GNL3L: variants seen among roughly 807,000 people sequenced by gnomAD.
GNL3L encodes G protein nucleolar 3 like.
Under a neutral mutation model 42.9 loss-of-function variants are expected in GNL3L, and 4 were observed. That is an observed-to-expected ratio of 0.09 (90% CI 0.05 to 0.21). The LOEUF (loss-of-function observed/expected upper bound fraction) is 0.21. GNL3L is among the 10% of genes least tolerant of loss of function. GNL3L has a pLI of 1.00. For missense variants in GNL3L, 412 were observed against 481.7 expected (o/e 0.86, Z 1.36); for synonymous variants, 159 against 176.3 (o/e 0.90, Z 0.78).
intron 2 of GNL3L, among the ~76,000 whole-genome samples, chrX:54,536,007 A>G (rs1328608897): frequency 9.1e-6 from 1 of 109,299 alleles, no homozygotes; most frequent in Non-Finnish European, 1.9e-5. Context: ...GGCTCACTGC[A>G]ACCTCCACCT....
intron 16 of GNL3L, among the ~76,000 whole-genome samples, chrX:54,584,888 C>T (rs754050847): frequency 8.9e-6 from 1 of 112,287 alleles, no homozygotes; most frequent in African/African-American, 3.2e-5. Context: ...TGGGTTCAAG[C>T]GATTCTCCGG....
At chrX:54,532,705 G>A (rs1463614425) in intron 2 of GNL3L, 120 bp downstream of exon 2, 20 of 613,034 alleles carry the variant, frequency 3.3e-5, no homozygotes, top group Non-Finnish European at 5.3e-5. Context: ...CTGTCACCTA[G>A]GCTGGAGTGC....
chrX:54,617,357 T>C (rs2147538270), intron 16 of GNL3L, among the ~76,000 whole-genome samples: 1 of 112,098 alleles, frequency 8.9e-6, no homozygotes, highest in South Asian at 3.7e-4. Context: ...CCTCACCTTT[T>C]ACCCACTCAT....
chrX:54,600,930 G>C (rs1925999182), intron 16 of GNL3L, among the ~76,000 whole-genome samples: 1 of 112,072 alleles, frequency 8.9e-6, no homozygotes, highest in African/African-American at 3.2e-5. Flanking sequence ...ATTCATTGTA[G>C]CTAAAAAGTG....
At chrX:54,551,121 C>T (rs1226349311) in intron 10 of GNL3L, 71 bp downstream of exon 10, 2 of 603,977 alleles carry the variant, frequency 3.3e-6, no homozygotes, top group South Asian at 2.4e-5. Context: ...CCCATGCCTT[C>T]AGCCCCTGTC....
At position 54,541,385 on chromosome X, in the gene GNL3L, A is replaced by G. The variant is rs1313805264; in HGVS notation, c.302A>G (p.His101Arg). 9.6e-6 allele frequency: 11 copies of G among 1,148,737 alleles called. No homozygotes were observed. Among genetic ancestry groups the G allele is most frequent in the South Asian group, 3.6e-5 (2 of 55,444 alleles). 94.7% of individuals were successfully genotyped at this position (1,148,737 alleles called of 1,213,427 possible). A position where few individuals can be genotyped will look rare whatever the true frequency, so the allele number is the denominator to read the frequency against. ...CTAAGACGCCAGGAGGAGTTTGAGCATAAGGTAAGAGTGCAGCCCTTGCCC... is the reference window on the plus strand; with the variant it reads ...CTAAGACGCCAGGAGGAGTTTGAGCGTAAGGTAAGAGTGCAGCCCTTGCCC... ...DVLRRQEEFEHKEEVLQELNM... is the reference protein window; with the variant it reads ...DVLRRQEEFERKEEVLQELNM... The change falls in exon 5 of 16, where the codon CAT (histidine) becomes CGT (arginine). Residue 101 changes from histidine to arginine, a missense_variant. By Grantham distance (29) the His-to-Arg change is conservative. Coordinates refer to ENST00000360845, the MANE Select transcript of GNL3L (RefSeq NM_001184819.2).
Position 54,561,801 on chromosome X carries a change from C to T in GNL3L, c.*1199C>T, listed in dbSNP as rs1221825197. On this transcript the variant is annotated 3_prime_UTR_variant, in exon 16 of 16. Transcript: ENST00000360845. ...TACCAGCCAACTCCTTTTCCAGTGT[C>T]TGTAAGTCACCTCATTAAAGTATAA... Among the ~76,000 whole-genome samples, 2 of 111,520 alleles carry T rather than the reference C, an allele frequency of 1.8e-5. No homozygotes were observed.
chrX:54,556,949 G>A (rs1024855867), intron 14 of GNL3L, among the ~76,000 whole-genome samples: 4 of 111,033 alleles, frequency 3.6e-5, no homozygotes, highest in Non-Finnish European at 5.7e-5. Flanking sequence ...GGGAAGCCAA[G>A]GCGGGTGGAT....
In GNL3L at chrX:54,595,535, A is replaced by G. The variant is rs192118606; in HGVS notation, c.*46-25310A>G. Among the ~76,000 whole-genome samples, 50 of 111,320 alleles carry G rather than the reference A, an allele frequency of 4.5e-4. 2 individuals are homozygous for G. The East Asian group carries it at 0.014, about 30-fold the overall frequency. On this transcript the variant is annotated intron_variant, in intron 16 of 16. Transcript: ENST00000674498. ...GTTGTCTTTTTTAGGTTAAATCTGC[A>G]TGGCGTTCTATTCCCTTCTAGTACT...
chrX:54,567,584 T>A (rs1295339684), downstream of GNL3L, among the ~76,000 whole-genome samples: 2 of 104,377 alleles, frequency 1.9e-5, no homozygotes, highest in Non-Finnish European at 2.0e-5. Context: ...AGGCAGAGGT[T>A]GCAGTGAGCC....
rs1018202629 is a variant in GNL3L, at chrX:54,558,468, G to T, written c.1479G>T (p.Pro493=). ...ATCTCACTGGGTATTGCACCAATCCGAACCGTCATCAGATGGGGTGGGCTA... is the reference window on the plus strand; with the variant it reads ...ATCTCACTGGGTATTGCACCAATCCTAACCGTCATCAGATGGGGTGGGCTA... The part of the protein sequence containing the change: ...IGDLTGYCTN[P]NRHQMGWAKR... Residue 493 remains proline, a synonymous_variant, in exon 15 of 16, where the codon CCG becomes CCT. Coordinates refer to ENST00000360845, the MANE Select transcript of GNL3L (RefSeq NM_001184819.2). The T allele has an allele frequency of 8.3e-7, 1 of 1,207,050 alleles. No homozygotes were observed. The highest frequency in any genetic ancestry group is 1.1e-6 in the Non-Finnish European group (1 of 891,639).
At chrX:54,551,498 C>CA (rs1290179681) in intron 10 of GNL3L, 70 bp from the exon 11 acceptor site, 5 of 959,763 alleles carry the variant, frequency 5.2e-6, no homozygotes, top group Non-Finnish European at 7.4e-6. Flanking sequence ...TCCCACATCC[C>CA]AGGCCCACCT....
chrX:54,622,177 ACTTG>A (rs1926294244), downstream of GNL3L, among the ~76,000 whole-genome samples: 1 of 107,198 alleles, frequency 9.3e-6, no homozygotes, highest in Admixed American at 9.9e-5. Context: ...GCATTTTTTC[ACTTG>A]CTTATTGTTT....
chrX:54,565,943 C>T lies in GNL3L; in HGVS notation c.*5341C>T, dbSNP rs1440862610. Among the ~76,000 whole-genome samples the T allele has an allele frequency of 9.4e-6, 1 of 106,938 alleles. No homozygotes were observed. Among genetic ancestry groups the T allele is most frequent in the Non-Finnish European group, 1.9e-5 (1 of 52,087 alleles). 92.9% of individuals were successfully genotyped at this position (106,938 alleles called of 115,157 possible). A position where few individuals can be genotyped will look rare whatever the true frequency, so the allele number is the denominator to read the frequency against. ...TCAAGTAATTCTCATGCCTCAGCCT[C>T]CTGAGTAGCTGGAATTACAGGCGCA... On this transcript the variant is annotated 3_prime_UTR_variant, in exon 16 of 16. Coordinates refer to ENST00000360845, the MANE Select transcript of GNL3L (RefSeq NM_001184819.2).
downstream of GNL3L, among the ~76,000 whole-genome samples, chrX:54,625,761 A>G (rs749354246): frequency 1.8e-5 from 2 of 111,690 alleles, no homozygotes; most frequent in African/African-American, 6.5e-5. Flanking sequence ...ATAGTTAATA[A>G]TATGGATAGA....
the GNL3L span, among the ~76,000 whole-genome samples, chrX:54,644,085 G>A: frequency 8.9e-6 from 1 of 111,994 alleles, no homozygotes; most frequent in South Asian, 3.7e-4. Context: ...TGGGAGTGCA[G>A]ATATCTCTCC....
chrX:54,568,498 T>G (rs1325499539), downstream of GNL3L, among the ~76,000 whole-genome samples: 3 of 111,285 alleles, frequency 2.7e-5, no homozygotes, highest in African/African-American at 9.8e-5. Flanking sequence ...TAGAGGCTGC[T>G]TAGATTCCTA....
At chrX:54,547,378 A>C (rs998597659) in intron 8 of GNL3L, among the ~76,000 whole-genome samples, 4 of 110,950 alleles carry the variant, frequency 3.6e-5, no homozygotes, top group Non-Finnish European at 7.5e-5. Context: ...TTATTGATGG[A>C]TATATAGGCT....
intron 16 of GNL3L, among the ~76,000 whole-genome samples, chrX:54,592,121 T>C (rs1925879000): frequency 8.9e-6 from 1 of 112,165 alleles, no homozygotes; most frequent in African/African-American, 3.2e-5. Context: ...TTGTTCACTG[T>C]TGTCATATAG....
Sources: gnomAD v4.1 joint callset for allele counts (sites outside exome capture counted in the v4.1 genomes callset) on GRCh38, gnomAD v4.1.1 for gene constraint, MANE v1.5 for transcripts, NCBI Gene and HGNC (gene_info 2026-07-23, HGNC 2026-07-21) for gene names.